PTPRK: variants seen among roughly 807,000 people sequenced by gnomAD.
PTPRK encodes receptor-type tyrosine-protein phosphatase kappa.
Under a neutral mutation model 178.0 loss-of-function variants are expected in PTPRK, and 75 were observed. The ratio of observed to expected loss-of-function variants is 0.42; its 90% confidence interval spans 0.35 to 0.51. PTPRK has a LOEUF of 0.51. PTPRK is among the 20% of genes least tolerant of loss of function. The pLI is 0.02. For synonymous variants in PTPRK, 637 were observed against 620.6 expected (o/e 1.03, Z -0.39); for missense variants, 1,441 against 1,797.8 (o/e 0.80, Z 3.59).
At position 128,211,508 on chromosome 6, in the gene PTPRK, G is replaced by A. The variant is rs73772010; in HGVS notation, c.868+7414C>T. Among the ~76,000 whole-genome samples, 982 of 151,872 alleles carry A rather than the reference G, an allele frequency of 6.5e-3. 11 individuals carry two copies. Among genetic ancestry groups the A allele is most frequent in the African/African-American group, 0.023 (953 of 41,446 alleles). On this transcript the variant is annotated intron_variant, in intron 6 of 29. Coordinates refer to ENST00000368226, the MANE Select transcript of PTPRK (RefSeq NM_002844.4). ...TACTATCATAAACTTTGAACAAGCC[G>A]GTTTTGATCGACACATTAATAAATA...
chr6:128,503,766 G>A (rs1855893886), intron 1 of PTPRK, among the ~76,000 whole-genome samples: 1 of 151,902 alleles, frequency 6.6e-6, no homozygotes, highest in South Asian at 2.1e-4. Context: ...TTTAACTACT[G>A]AGCTCAAGCA....
intron 7 of PTPRK, among the ~76,000 whole-genome samples, chr6:128,177,154 C>T (rs1049094783): frequency 3.3e-5 from 5 of 151,754 alleles, no homozygotes; most frequent in Non-Finnish European, 7.4e-5. Flanking sequence ...ATCTCTTGAA[C>T]CTGTCTTTGT....
chr6:128,123,788 G>A (rs1048641520), intron 7 of PTPRK, among the ~76,000 whole-genome samples: 1 of 151,918 alleles, frequency 6.6e-6, no homozygotes, highest in Non-Finnish European at 1.5e-5. Context: ...GTTTTAATAC[G>A]AAATAGTCAT....
chr6:128,008,011 G>A (rs1260383361), intron 14 of PTPRK: 3 of 1,283,100 alleles, frequency 2.3e-6, no homozygotes, highest in East Asian at 4.9e-5. Flanking sequence ...AAGCACGTAT[G>A]TAGCTAATTT....
chr6:128,020,622 G>C (rs1773360909), intron 13 of PTPRK, among the ~76,000 whole-genome samples: 1 of 152,112 alleles, frequency 6.6e-6, no homozygotes, highest in Admixed American at 6.5e-5. Flanking sequence ...GCCATTCAAA[G>C]CACAAACAGG....
intron 2 of PTPRK, among the ~76,000 whole-genome samples, chr6:128,324,286 T>C (rs1019393129): frequency 6.6e-6 from 1 of 152,158 alleles, no homozygotes; most frequent in Non-Finnish European, 1.5e-5. Flanking sequence ...TAGTAATCTC[T>C]AAATGATTTA....
intron 2 of PTPRK, among the ~76,000 whole-genome samples, chr6:128,386,708 C>G (rs766366916): frequency 5.9e-5 from 9 of 152,074 alleles, no homozygotes; most frequent in Non-Finnish European, 1.3e-4. Flanking sequence ...TTTAATATTG[C>G]GTGACACTGG....
intron 8 of PTPRK, among the ~76,000 whole-genome samples, chr6:128,085,640 A>G (rs903605588): frequency 5.9e-5 from 9 of 152,238 alleles, no homozygotes; most frequent in African/African-American, 1.9e-4. Flanking sequence ...ATGGTTTAAA[A>G]TATTTGTATA....
intron 4 of PTPRK, among the ~76,000 whole-genome samples, chr6:128,242,263 C>G (rs1387056936): frequency 2.0e-5 from 3 of 152,102 alleles, no homozygotes; most frequent in East Asian, 3.9e-4. Context: ...GCTGCCTTTG[C>G]ATGTATATTT....
At chr6:127,986,732 T>C (rs1185585911) in intron 21 of PTPRK, among the ~76,000 whole-genome samples, 1 of 152,212 alleles carries the variant, frequency 6.6e-6, no homozygotes, top group Non-Finnish European at 1.5e-5. Flanking sequence ...GTGAACTATC[T>C]GTGAACTATC....
intron 1 of PTPRK, among the ~76,000 whole-genome samples, chr6:128,464,636 C>CATATATATATATATATATATATATATAT (rs1332123195): frequency 2.5e-5 from 1 of 40,740 alleles, no homozygotes; most frequent in African/African-American, 6.3e-5. Flanking sequence ...TATATATATA[C>CATATATATATATATATATATATATATAT]ACATATATAT....
intron 13 of PTPRK, among the ~76,000 whole-genome samples, chr6:128,049,004 G>C (rs1185394318): frequency 1.3e-5 from 2 of 151,896 alleles, no homozygotes; most frequent in Non-Finnish European, 2.9e-5. Flanking sequence ...ATTTGCTATA[G>C]AAATATTGAT....
intron 1 of PTPRK, among the ~76,000 whole-genome samples, chr6:128,492,161 C>G (rs1282576122): frequency 1.3e-5 from 2 of 152,122 alleles, no homozygotes; most frequent in African/African-American, 4.8e-5. Flanking sequence ...ATACCAGTAG[C>G]AGTTCCTAGT....
At chr6:128,177,560 G>A (rs1801260327) in intron 7 of PTPRK, among the ~76,000 whole-genome samples, 1 of 151,754 alleles carries the variant, frequency 6.6e-6, no homozygotes, top group African/African-American at 2.4e-5. Flanking sequence ...TAGTCAGTCA[G>A]ATGACACAAT....
intron 2 of PTPRK, among the ~76,000 whole-genome samples, chr6:128,377,127 C>T (rs190790777): frequency 6.6e-6 from 1 of 152,308 alleles, no homozygotes; most frequent in Non-Finnish European, 1.5e-5. Context: ...CTTTTCACAG[C>T]ACCTCACTCC....
intron 1 of PTPRK, among the ~76,000 whole-genome samples, chr6:128,430,060 T>G (rs1584679879): frequency 6.6e-6 from 1 of 152,292 alleles, no homozygotes; most frequent in Non-Finnish European, 1.5e-5. Context: ...AGAATCACCT[T>G]GATGGATGAG....
At chr6:128,004,913 T>G (rs1459701683) in intron 15 of PTPRK, 171 bp downstream of exon 15, 1 of 602,874 alleles carries the variant, frequency 1.7e-6, no homozygotes, top group Non-Finnish European at 2.8e-6. Flanking sequence ...GTATCAATCT[T>G]GATGAGAATC....
At chr6:128,468,921 C>CA (rs375371831) in intron 1 of PTPRK, among the ~76,000 whole-genome samples, 10,769 of 89,774 alleles carry the variant, frequency 0.12, 860 homozygotes, top group African/African-American at 0.27. Flanking sequence ...AACACCTTTT[C>CA]AAAAAAAAAA....
At chr6:128,360,608 T>C (rs974715790) in intron 2 of PTPRK, among the ~76,000 whole-genome samples, 1 of 152,180 alleles carries the variant, frequency 6.6e-6, no homozygotes, top group African/African-American at 2.4e-5. Context: ...CTTCTATGTC[T>C]TCTACTTTCC....
Sources: allele counts gnomAD v4.1 joint callset (sites outside exome capture counted in the v4.1 genomes callset), GRCh38; gene constraint gnomAD v4.1.1; transcripts MANE v1.5; gene names NCBI Gene and HGNC (gene_info 2026-07-23, HGNC 2026-07-21).